ARHGAP6: variants seen among roughly 807,000 people sequenced by gnomAD.
ARHGAP6 encodes the protein Rho GTPase activating protein 6.
Under a neutral mutation model 55.7 loss-of-function variants are expected in ARHGAP6, and 16 were observed. The ratio of observed to expected loss-of-function variants is 0.29; its 90% CI spans 0.19 to 0.44. The LOEUF is 0.44. ARHGAP6 is among the 20% of genes least tolerant of loss of function. The pLI is 1.00. For missense variants in ARHGAP6, 698 were observed against 808.9 expected (o/e 0.86, Z 1.66); for synonymous variants, 382 against 360.9 (o/e 1.06, Z -0.66).
chrX:11,197,659 T>A (rs1039880644), intron 2 of ARHGAP6, among the ~76,000 whole-genome samples: 1 of 112,436 alleles, frequency 8.9e-6, no homozygotes, highest in African/African-American at 3.2e-5. Context: ...CATTCCTCCA[T>A]TGATGAACAT....
chrX:11,197,141 T>C (rs1264170666), intron 2 of ARHGAP6, 145 bp from the exon 3 acceptor site: 12 of 416,440 alleles, frequency 2.9e-5, no homozygotes, highest in Non-Finnish European at 4.6e-5. Context: ...GCTCTGAGAA[T>C]ACATGAAAAT....
intron 1 of ARHGAP6, among the ~76,000 whole-genome samples, chrX:11,366,935 G>T (rs1394045845): frequency 2.1e-4 from 23 of 110,971 alleles, no homozygotes; most frequent in Non-Finnish European, 9.4e-5. Flanking sequence ...GGCCTAAGAT[G>T]GAAGTATGTT....
intron 2 of ARHGAP6, among the ~76,000 whole-genome samples, chrX:11,220,148 C>T (rs866791661): frequency 9.2e-6 from 1 of 109,167 alleles, no homozygotes; most frequent in Non-Finnish European, 1.9e-5. Context: ...AATAGGGAAG[C>T]CTTTCCCCAT....
At chrX:11,360,551 T>C (rs1051316141) in intron 1 of ARHGAP6, among the ~76,000 whole-genome samples, 1 of 109,063 alleles carries the variant, frequency 9.2e-6, no homozygotes, top group Non-Finnish European at 1.9e-5. Context: ...GCCAATATCA[T>C]ACTAAATGGG....
intron 1 of ARHGAP6, among the ~76,000 whole-genome samples, chrX:11,656,300 T>C (rs1376665620): frequency 8.9e-6 from 1 of 112,504 alleles, no homozygotes; most frequent in Non-Finnish European, 1.9e-5. Flanking sequence ...CCTTTCTTTT[T>C]GTTTGGCAAA....
intron 1 of ARHGAP6, among the ~76,000 whole-genome samples, chrX:11,553,480 C>A (rs111749003): frequency 7.2e-5 from 8 of 111,715 alleles, no homozygotes; most frequent in African/African-American, 2.6e-4. Context: ...TGGACTCAAG[C>A]AATCTGCCTG....
At chrX:11,142,209 TA>T in intron 12 of ARHGAP6, 23 bp downstream of exon 12, 1 of 1,094,464 alleles carries the variant, frequency 9.1e-7, no homozygotes, top group African/African-American at 1.8e-5. Flanking sequence ...GTAAATGCAA[TA>T]AAGTTTAAAA....
chrX:11,189,629 A>G (rs138044942), intron 3 of ARHGAP6, among the ~76,000 whole-genome samples: 1,326 of 111,983 alleles, frequency 0.012, 18 homozygotes, highest in African/African-American at 0.042. Context: ...CTCGTGATCT[A>G]CACTCAAGCC....
chrX:11,266,023 GCGTGTGTGCC>G, intron 1 of ARHGAP6: 1 of 736,811 alleles, frequency 1.4e-6, no homozygotes, highest in Non-Finnish European at 1.7e-6. Context: ...GTGTTTGTAT[GCGTGTGTGCC>G]TGTGTGTGTG....
At chrX:11,224,583 A>AG (rs916773165) in intron 2 of ARHGAP6, among the ~76,000 whole-genome samples, 2 of 111,105 alleles carry the variant, frequency 1.8e-5, no homozygotes, top group African/African-American at 6.6e-5. Flanking sequence ...GAGTAACTTT[A>AG]GGGTTGGAAT....
chrX:11,244,608 T>C (rs753477006), intron 2 of ARHGAP6, among the ~76,000 whole-genome samples: 11 of 112,249 alleles, frequency 9.8e-5, no homozygotes, highest in African/African-American at 3.2e-4. Context: ...ATTTTGCCCA[T>C]GGGGAAACCA....
chrX:11,615,720 AC>A lies in ARHGAP6; in HGVS notation c.588+48520del, dbSNP rs756088891. Among the ~76,000 whole-genome samples the A allele has an allele frequency of 4.0e-3, 454 of 112,586 alleles. 1 individual carries two copies. The highest frequency in any genetic ancestry group is 0.014 in the Middle Eastern group (3 of 218). On this transcript the variant is annotated intron_variant, in intron 1 of 12. Transcript: ENST00000337414. ...CATCAGTACTGAAATAGCTGTACTT[AC>A]ATTCAAGTGCTGAACATAAACAAAT... is the stretch of plus-strand genomic sequence containing the variant.
chrX:11,155,898 A>C (rs1446909950), intron 10 of ARHGAP6, among the ~76,000 whole-genome samples: 1 of 111,299 alleles, frequency 9.0e-6, no homozygotes, highest in East Asian at 2.8e-4. Context: ...TAATGCAAAA[A>C]CTCTGTGCTC....
At chrX:11,522,462 A>T (rs1317494967) in intron 1 of ARHGAP6, among the ~76,000 whole-genome samples, 1 of 111,457 alleles carries the variant, frequency 9.0e-6, no homozygotes, top group Non-Finnish European at 1.9e-5. Flanking sequence ...TTTTTTGAAA[A>T]GATCAACAAA....
chrX:11,234,013 T>C (rs1833374668), intron 2 of ARHGAP6, among the ~76,000 whole-genome samples: 1 of 112,494 alleles, frequency 8.9e-6, no homozygotes, highest in Non-Finnish European at 1.9e-5. Context: ...TTTATACACA[T>C]ATGTATTTCC....
chrX:11,236,907 C>G (rs2047210399), intron 2 of ARHGAP6, among the ~76,000 whole-genome samples: 1 of 112,422 alleles, frequency 8.9e-6, no homozygotes, highest in African/African-American at 3.2e-5. Context: ...TTTAAGGTCA[C>G]TTTGCCTTTG....
At chrX:11,553,247 T>C in intron 1 of ARHGAP6, among the ~76,000 whole-genome samples, 1 of 109,348 alleles carries the variant, frequency 9.1e-6, no homozygotes, top group Non-Finnish European at 1.9e-5. Flanking sequence ...TAGAACATTT[T>C]TTTTTTTTTT....
intron 1 of ARHGAP6, among the ~76,000 whole-genome samples, chrX:11,379,221 G>A (rs760056402): frequency 7.5e-4 from 84 of 112,234 alleles, no homozygotes; most frequent in Non-Finnish European, 1.3e-3. Context: ...AACAAGAAAG[G>A]TCTCTTGAGG....
chrX:11,169,972 C>T (rs751354397), intron 8 of ARHGAP6, among the ~76,000 whole-genome samples: 1 of 111,203 alleles, frequency 9.0e-6, no homozygotes, highest in South Asian at 3.8e-4. Context: ...ATCCTGTTTG[C>T]ACTTAAGAAA....
Sources: allele counts gnomAD v4.1 joint callset (sites outside exome capture counted in the v4.1 genomes callset), GRCh38; gene constraint gnomAD v4.1.1; transcripts MANE v1.5; gene names NCBI Gene and HGNC (gene_info 2026-07-23, HGNC 2026-07-21).